PKHD1: variants seen among roughly 807,000 people sequenced by gnomAD.
The protein encoded by PKHD1 is PKHD1 ciliary IPT domain containing fibrocystin/polyductin.
A neutral mutation model predicts 412.0 loss-of-function variants in PKHD1; 291 were observed. The ratio of observed to expected loss-of-function variants is 0.71; its 90% CI spans 0.64 to 0.78. PKHD1 has a LOEUF of 0.78. Ranked by LOEUF, PKHD1 falls within the 30% of genes least tolerant of loss-of-function variation. PKHD1 has a pLI of 0.00. For synonymous variants in PKHD1, 1,777 were observed against 1,821.5 expected (o/e 0.98, Z 0.62); for missense variants, 4,825 against 4,950.7 (o/e 0.97, Z 0.76).
intron 43 of PKHD1, among the ~76,000 whole-genome samples, chr6:51,900,018 G>A (rs1436462240): frequency 6.6e-6 from 1 of 152,128 alleles, no homozygotes; most frequent in African/African-American, 2.4e-5. Flanking sequence ...AAATCAAAGA[G>A]GATACAAACA....
At chr6:51,633,447 C>A (rs1213529155) in intron 64 of PKHD1, among the ~76,000 whole-genome samples, 1 of 151,970 alleles carries the variant, frequency 6.6e-6, no homozygotes, top group East Asian at 1.9e-4. Flanking sequence ...CATTGCAAAA[C>A]CCAGGAACAA....
At chr6:52,084,550 G>A (rs934668643) in intron 2 of PKHD1, among the ~76,000 whole-genome samples, 1 of 152,066 alleles carries the variant, frequency 6.6e-6, no homozygotes, top group East Asian at 1.9e-4. Context: ...ATAAAAGAAA[G>A]GTTATAAGTT....
At chr6:51,844,834 T>A (rs1770870981) in intron 50 of PKHD1, among the ~76,000 whole-genome samples, 1 of 152,008 alleles carries the variant, frequency 6.6e-6, no homozygotes, top group Non-Finnish European at 1.5e-5. Flanking sequence ...CCCAAAAAAA[T>A]CTAATATGGA....
At chr6:52,052,970 G>T in intron 21 of PKHD1, 106 bp downstream of exon 21, 1 of 1,016,976 alleles carries the variant, frequency 9.8e-7, no homozygotes, top group East Asian at 2.5e-5. Flanking sequence ...AGGCAAAAAG[G>T]AGGATCACCT....
chr6:51,673,091 A>G (rs986181592), intron 60 of PKHD1, among the ~76,000 whole-genome samples: 18 of 152,222 alleles, frequency 1.2e-4, no homozygotes, highest in African/African-American at 4.3e-4. Flanking sequence ...GACAATATCT[A>G]GGCCAGATAC....
intron 60 of PKHD1, among the ~76,000 whole-genome samples, chr6:51,708,172 G>C (rs1334829325): frequency 6.6e-6 from 1 of 152,034 alleles, no homozygotes; most frequent in Non-Finnish European, 1.5e-5. Flanking sequence ...CCAGTACATG[G>C]CACCACCAGC....
At chr6:51,805,910 C>G (rs950997936) in intron 52 of PKHD1, among the ~76,000 whole-genome samples, 3 of 152,062 alleles carry the variant, frequency 2.0e-5, no homozygotes, top group African/African-American at 7.2e-5. Flanking sequence ...TGGCTTGGTT[C>G]CAAGTCTTTG....
Position 51,616,610 on chromosome 6 carries a change from A to G in PKHD1, c.*2471T>C, listed in dbSNP as rs10948637. On this transcript the variant is annotated 3_prime_UTR_variant, in exon 67 of 67. Coordinates refer to ENST00000371117, the MANE Select transcript of PKHD1 (RefSeq NM_138694.4). ...GCTAGATGCCAAAATTCCATGCCACATGCTAGAGCCTGGCAAGTTACTGAA... is the reference window on the plus strand; with the variant it reads ...GCTAGATGCCAAAATTCCATGCCACGTGCTAGAGCCTGGCAAGTTACTGAA... 23 of 397,322 alleles carry G rather than the reference A, an allele frequency of 5.8e-5. No homozygotes were observed. Among genetic ancestry groups the G allele is most frequent in the African/African-American group, 3.9e-4 (19 of 48,476 alleles). The allele number at this position is 397,322 out of a possible 1,614,324, so 24.6% of individuals were successfully genotyped here.
At chr6:51,841,971 C>G (rs1166785985) in intron 50 of PKHD1, among the ~76,000 whole-genome samples, 1 of 152,246 alleles carries the variant, frequency 6.6e-6, no homozygotes, top group Non-Finnish European at 1.5e-5. Context: ...CCCAAATTAA[C>G]AGCATCTTTT....
intron 52 of PKHD1, among the ~76,000 whole-genome samples, chr6:51,817,063 T>G (rs1282590993): frequency 9.1e-6 from 1 of 110,352 alleles, no homozygotes; most frequent in Non-Finnish European, 2.0e-5. Context: ...CAAGAGAGAG[T>G]CATGGGGCTT....
rs539213569 is a variant in PKHD1, at chr6:51,931,567, C to T, written c.6121+2543G>A. ...AATTGATGAGCTGCACGTGGGGCTGCGATTCTCTGACAGATACATCAGGAA... is the reference window on the plus strand; with the variant it reads ...AATTGATGAGCTGCACGTGGGGCTGTGATTCTCTGACAGATACATCAGGAA... On this transcript the variant is annotated intron_variant, in intron 37 of 66. Coordinates refer to ENST00000371117, the MANE Select transcript of PKHD1 (RefSeq NM_138694.4). Among the ~76,000 whole-genome samples, 11 of 152,232 alleles carry T rather than the reference C, an allele frequency of 7.2e-5. No individual in the cohort carries two copies. In the South Asian group the frequency reaches 1.0e-3, roughly 14 times the overall value.
Position 51,914,559 on chromosome 6 carries a change from T to C in PKHD1, c.6122-1983A>G, listed in dbSNP as rs188601953. On this transcript the variant is annotated intron_variant, in intron 37 of 66. Coordinates refer to ENST00000371117, the MANE Select transcript of PKHD1 (RefSeq NM_138694.4). ...CTCTTGCAAACAGCTTTTATTCCTT[T>C]AAGTATTCCTCCTTATGTTCTTTTT... 9.2e-5 allele frequency among the ~76,000 whole-genome samples: 14 copies of C among 152,268 alleles called. No individual in the cohort carries two copies. The East Asian group carries it at 2.7e-3, about 29-fold the overall frequency.
At chr6:51,781,729 T>G (rs1459482121) in intron 53 of PKHD1, among the ~76,000 whole-genome samples, 2 of 152,048 alleles carry the variant, frequency 1.3e-5, no homozygotes, top group Non-Finnish European at 2.9e-5. Flanking sequence ...AAAACAGTAA[T>G]AGTAACCATG....
intron 60 of PKHD1, among the ~76,000 whole-genome samples, chr6:51,670,281 G>T (rs1219906100): frequency 6.6e-6 from 1 of 152,144 alleles, no homozygotes; most frequent in Non-Finnish European, 1.5e-5. Flanking sequence ...TTGTTGAATT[G>T]ATCCGTTTAC....
chr6:51,912,627 A>G (rs375261306), intron 37 of PKHD1, 51 bp from the exon 38 acceptor site: 52 of 1,178,760 alleles, frequency 4.4e-5, no homozygotes, highest in Non-Finnish European at 5.9e-5. Context: ...ATTAATCAAA[A>G]CGTGATTAAT....
intron 2 of PKHD1, among the ~76,000 whole-genome samples, chr6:52,083,777 C>T (rs62406057): frequency 0.44 from 66,314 of 151,648 alleles, 15,745 homozygotes; most frequent in Admixed American, 0.58. Flanking sequence ...ATGGCAAAAC[C>T]GCGATTACTT....
Position 52,043,235 on chromosome 6 carries a change from C to A in PKHD1, c.2822-101G>T, listed in dbSNP as rs567007318. 8 of 929,762 alleles carry A rather than the reference C, an allele frequency of 8.6e-6. No individual in the cohort carries two copies. The African/African-American group carries it at 9.9e-5, about 12-fold the overall frequency. 57.6% of individuals were successfully genotyped at this position (929,762 alleles called of 1,614,324 possible). On this transcript the variant is annotated intron_variant, in intron 26 of 66. Coordinates refer to ENST00000371117, the MANE Select transcript of PKHD1 (RefSeq NM_138694.4). ...CTATCATCAAATGTTCCTTCTCTGC[C>A]CCCATCCCCTCCCAAAATTCAAGGA...
At chr6:51,669,415 C>G (rs1430631336) in intron 60 of PKHD1, among the ~76,000 whole-genome samples, 13 of 151,686 alleles carry the variant, frequency 8.6e-5, no homozygotes, top group Non-Finnish European at 1.5e-4. Context: ...TTTTTTATTG[C>G]TTCTATTTGA....
chr6:52,043,201 GAC>G, intron 26 of PKHD1, 67 bp from the exon 27 acceptor site: 1 of 1,257,994 alleles, frequency 7.9e-7, no homozygotes, highest in Non-Finnish European at 1.1e-6. Flanking sequence ...TCATTTGAGA[GAC>G]CTCTCACTAT....
Sources: gnomAD v4.1 joint callset for allele counts (sites outside exome capture counted in the v4.1 genomes callset) on GRCh38, gnomAD v4.1.1 for gene constraint, MANE v1.5 for transcripts, NCBI Gene and HGNC (gene_info 2026-07-23, HGNC 2026-07-21) for gene names.